STAG1: variants seen among roughly 807,000 people sequenced by gnomAD.
STAG1 encodes the protein STAG1 cohesin complex component, also known as cohesin subunit SA-1.
A neutral mutation model predicts 170.9 loss-of-function variants in STAG1; 26 were observed. The observed-to-expected ratio is 0.15, with a 90% CI of 0.11 to 0.21. The LOEUF (loss-of-function observed/expected upper bound fraction) is 0.21, where lower values mean the gene tolerates loss of function less well. Among genes scored for constraint, STAG1 ranks in the 10% least tolerant of loss-of-function variants. The probability of loss-of-function intolerance (pLI) is 1.00; values close to 1 mark genes in which losing one functional copy is unlikely to be tolerated. For synonymous variants in STAG1, 514 were observed against 497.7 expected (o/e 1.03, Z -0.44); for missense variants, 964 against 1,509.5 (o/e 0.64, Z 5.99).
intron 1 of STAG1, chr3:136,737,319 G>T (rs1270908827): frequency 5.1e-6 from 2 of 394,950 alleles, no homozygotes; most frequent in Admixed American, 6.9e-5. Flanking sequence ...GGCCAGGCTG[G>T]TCTCCAACTC....
chr3:136,433,019 A>G (rs2088354832), intron 16 of STAG1, among the ~76,000 whole-genome samples: 1 of 151,994 alleles, frequency 6.6e-6, no homozygotes, highest in African/African-American at 2.4e-5. Flanking sequence ...GCCCTGATGT[A>G]ATGTTTTTGA....
chr3:136,538,498 A>G (rs1033157902), intron 6 of STAG1, among the ~76,000 whole-genome samples: 2 of 151,100 alleles, frequency 1.3e-5, no homozygotes, highest in African/African-American at 4.9e-5. Flanking sequence ...AGCTTACTGC[A>G]ACCTCCACCT....
intron 2 of STAG1, among the ~76,000 whole-genome samples, chr3:136,626,193 C>T (rs1576683829): frequency 6.6e-6 from 1 of 152,122 alleles, no homozygotes; most frequent in Non-Finnish European, 1.5e-5. Context: ...TTTGGGAGGC[C>T]AAGGCCAGCA....
chr3:136,418,536 A>G (rs1407776279), intron 20 of STAG1, among the ~76,000 whole-genome samples: 1 of 152,010 alleles, frequency 6.6e-6, no homozygotes, highest in Non-Finnish European at 1.5e-5. Flanking sequence ...GAAATCAACA[A>G]AAAAATAAAA....
chr3:136,389,957 G>A lies in STAG1; in HGVS notation c.2277+8792C>T, dbSNP rs182804332. Among the ~76,000 whole-genome samples, 103 of 150,898 alleles carry A rather than the reference G, an allele frequency of 6.8e-4. 1 individual carries two copies. Among genetic ancestry groups the A allele is most frequent in the African/African-American group, 2.4e-3 (97 of 41,004 alleles). On this transcript the variant is annotated intron_variant, in intron 22 of 33. Coordinates refer to ENST00000383202, the MANE Select transcript of STAG1 (RefSeq NM_005862.3). ...AGCGATTCTTCTGCCTCAGCCTCCC[G>A]AGTAGCTGGGACTACAGGTGCCCGC...
intron 23 of STAG1, among the ~76,000 whole-genome samples, chr3:136,372,715 A>C (rs147063170): frequency 2.6e-5 from 4 of 152,274 alleles, no homozygotes; most frequent in African/African-American, 7.2e-5. Context: ...ATCATGGTGG[A>C]TAAGCTTTTT....
intron 5 of STAG1, among the ~76,000 whole-genome samples, chr3:136,554,039 GA>G (rs961316501): frequency 1.5e-3 from 221 of 148,098 alleles, no homozygotes; most frequent in African/African-American, 3.3e-3. Context: ...ACAATAAAAG[GA>G]AAAAAAAATA....
chr3:136,490,058 T>G (rs896524279), intron 9 of STAG1, among the ~76,000 whole-genome samples: 7 of 152,230 alleles, frequency 4.6e-5, no homozygotes, highest in East Asian at 1.9e-4. Flanking sequence ...TTAATTTTTT[T>G]GGGACATAAT....
At chr3:136,552,479 T>A (rs190146068) in intron 5 of STAG1, among the ~76,000 whole-genome samples, 2 of 152,326 alleles carry the variant, frequency 1.3e-5, no homozygotes, top group African/African-American at 4.8e-5. Context: ...TGAAGCCATA[T>A]GAAGCAGGAA....
At chr3:136,585,850 G>A (rs983594444) in intron 4 of STAG1, among the ~76,000 whole-genome samples, 1 of 152,142 alleles carries the variant, frequency 6.6e-6, no homozygotes, top group African/African-American at 2.4e-5. Flanking sequence ...TTCTTTAGTA[G>A]TTTGGAAACA....
chr3:136,369,695 T>A (rs1000843323), intron 23 of STAG1, among the ~76,000 whole-genome samples: 1 of 152,194 alleles, frequency 6.6e-6, no homozygotes, highest in African/African-American at 2.4e-5. Flanking sequence ...CTTAATCAAA[T>A]TAGCATAAAA....
At chr3:136,565,944 G>GACA (rs1937061125) in intron 5 of STAG1, among the ~76,000 whole-genome samples, 1 of 152,134 alleles carries the variant, frequency 6.6e-6, no homozygotes, top group African/African-American at 2.4e-5. Flanking sequence ...CATATGGTGT[G>GACA]GTTCCTTTTA....
chr3:136,578,143 C>T (rs1937516525), intron 4 of STAG1, among the ~76,000 whole-genome samples: 1 of 152,180 alleles, frequency 6.6e-6, no homozygotes, highest in Non-Finnish European at 1.5e-5. Context: ...TGTAAGCTTA[C>T]TCTTTTTTGT....
chr3:136,549,269 T>C (rs144280967), intron 5 of STAG1, among the ~76,000 whole-genome samples: 11 of 152,314 alleles, frequency 7.2e-5, no homozygotes, highest in East Asian at 5.8e-4. Flanking sequence ...CTTTGCCGAA[T>C]TGATTGATGA....
intron 4 of STAG1, among the ~76,000 whole-genome samples, chr3:136,569,180 A>C (rs1182714899): frequency 6.6e-6 from 1 of 152,128 alleles, no homozygotes; most frequent in Non-Finnish European, 1.5e-5. Context: ...GATAAAAATT[A>C]ACTTCACTTT....
intron 22 of STAG1, among the ~76,000 whole-genome samples, chr3:136,378,294 G>A (rs1322091605): frequency 6.6e-6 from 1 of 152,202 alleles, no homozygotes; most frequent in Non-Finnish European, 1.5e-5. Flanking sequence ...AGCAAAGTTG[G>A]AGAAATCTTC....
At chr3:136,384,037 A>G (rs1209125721) in intron 22 of STAG1, among the ~76,000 whole-genome samples, 3 of 152,082 alleles carry the variant, frequency 2.0e-5, no homozygotes, top group Non-Finnish European at 4.4e-5. Flanking sequence ...ATTAAGTAGC[A>G]AAGTGAAATA....
At chr3:136,645,879 A>C (rs1022031236) in intron 1 of STAG1, among the ~76,000 whole-genome samples, 2 of 152,182 alleles carry the variant, frequency 1.3e-5, no homozygotes, top group Non-Finnish European at 2.9e-5. Context: ...AGGTATCTGC[A>C]TCTTAGTCTT....
At chr3:136,698,937 T>C (rs991846881) in intron 1 of STAG1, among the ~76,000 whole-genome samples, 4 of 152,180 alleles carry the variant, frequency 2.6e-5, no homozygotes, top group South Asian at 2.1e-4. Flanking sequence ...GTAGAGGCCA[T>C]TGTTCTAAGT....
Sources: allele counts gnomAD v4.1 joint callset (sites outside exome capture counted in the v4.1 genomes callset), GRCh38; gene constraint gnomAD v4.1.1; transcripts MANE v1.5; gene names NCBI Gene and HGNC (gene_info 2026-07-23, HGNC 2026-07-21).